Variants in MRM1 observed in about 807,000 individuals in gnomAD.
MRM1 encodes rRNA methyltransferase 1, mitochondrial.
A neutral mutation model predicts 25.0 loss-of-function variants in MRM1; 24 were observed. The observed-to-expected ratio is 0.96, with a 90% CI of 0.69 to 1.35. The LOEUF (loss-of-function observed/expected upper bound fraction) is 1.35, where lower values mean the gene tolerates loss of function less well. Ranked by LOEUF, MRM1 falls within the 40% of genes most tolerant of loss-of-function variation. The probability of loss-of-function intolerance (pLI) is 0.00; values close to 1 mark genes in which losing one functional copy is unlikely to be tolerated. For synonymous variants in MRM1, 188 were observed against 199.2 expected, an observed-to-expected ratio of 0.94 and a Z score of 0.47; for missense variants, 431 against 464.1, an observed-to-expected ratio of 0.93 and a Z score of 0.65.
At position 36,601,969 on chromosome 17, in the gene MRM1, T is replaced by C. The variant is rs765494445; in HGVS notation, c.159T>C (p.Phe53=). The part of the protein sequence containing the change: ...LVPTSRLELL[F]GMTPCLLALQ... ...CGACCTCTCGGCTGGAGCTTCTGTT[T>C]GGCATGACCCCGTGTCTCCTGGCTC... The change falls in exon 1 of 5, where the codon TTT becomes TTC. Residue 53 remains phenylalanine, a synonymous_variant. Coordinates refer to ENST00000614766, the MANE Select transcript of MRM1 (RefSeq NM_024864.5). The C allele has an allele frequency of 3.1e-6, 5 of 1,612,904 alleles. No individual in the cohort carries two copies. Among genetic ancestry groups the C allele is most frequent in the Admixed American group, 1.7e-5 (1 of 60,006 alleles).
chr17:36,628,379 G>T, the MRM1 span, among the ~76,000 whole-genome samples: 155 of 152,334 alleles, frequency 1.0e-3, 1 homozygote, highest in African/African-American at 3.4e-3. Flanking sequence ...GGAACATTCA[G>T]TTCAGCTGCA....
At chr17:36,605,324 TTC>T (rs914358838) in intron 2 of MRM1, among the ~76,000 whole-genome samples, 5 of 147,322 alleles carry the variant, frequency 3.4e-5, no homozygotes, top group African/African-American at 1.2e-4. Context: ...CCTAATTTTT[TTC>T]TTTCTTTTTT....
the MRM1 span, among the ~76,000 whole-genome samples, chr17:36,613,990 G>A: frequency 6.6e-6 from 1 of 152,102 alleles, no homozygotes; most frequent in Non-Finnish European, 1.5e-5. Flanking sequence ...TGTATGTGAG[G>A]ATTAATGATG....
At chr17:36,603,898 G>GCTTC (rs1174844327) in intron 2 of MRM1, among the ~76,000 whole-genome samples, 3 of 152,140 alleles carry the variant, frequency 2.0e-5, no homozygotes, top group African/African-American at 7.2e-5. Context: ...AAGCCTGATA[G>GCTTC]GAGATGAGGT....
chr17:36,608,657 G>C lies in MRM1; in HGVS notation c.*242G>C, dbSNP rs894343161. 7 of 401,874 alleles carry C rather than the reference G, an allele frequency of 1.7e-5. No individual in the cohort carries two copies. The highest frequency in any genetic ancestry group is 3.1e-5 in the Non-Finnish European group (7 of 228,344). 24.9% of individuals were successfully genotyped at this position (401,874 alleles called of 1,614,324 possible). A position where few individuals can be genotyped will look rare whatever the true frequency, so the allele number is the denominator to read the frequency against. The stretch of plus-strand genomic sequence containing the variant: ...TTCCATGGGAAGCCATGATGGCCTA[G>C]CATGGAGGGAATCTGTTCCCAGGCC... On this transcript the variant is annotated 3_prime_UTR_variant, in exon 5 of 5. Transcript: ENST00000614766.
At chr17:36,610,415 A>T (rs1484074139), downstream of MRM1, among the ~76,000 whole-genome samples, 1 of 151,834 alleles carries the variant, frequency 6.6e-6, no homozygotes, top group South Asian at 2.1e-4. Context: ...TGTGTTTTTC[A>T]TAGAGACGGG....
Position 36,602,132 on chromosome 17 carries a change from G to T in MRM1, c.322G>T (p.Asp108Tyr). 1 of 1,612,864 alleles carries T rather than the reference G, an allele frequency of 6.2e-7. No homozygotes were observed. Among genetic ancestry groups the T allele is most frequent in the East Asian group, 2.2e-5 (1 of 44,866 alleles). ...TCTGCGGCCCAGACGGCAGAAACTG[G>T]ACACAATGTGCCGCTACCAGGTCCA... Reference protein sequence around the residue: ...PVLRPRRQKLDTMCRYQVHQG... With the variant: ...PVLRPRRQKLYTMCRYQVHQG... Residue 108 changes from aspartate to tyrosine, a missense_variant, in exon 1 of 5, where the codon GAC becomes TAC. By Grantham distance (160) the Asp-to-Tyr change is radical. Transcript: ENST00000614766. This position sits in a 1 kb window ranked among gnomAD's most constrained non-coding sequence, Gnocchi z 4.1.
At chr17:36,633,381 C>T in the MRM1 span, among the ~76,000 whole-genome samples, 36 of 152,152 alleles carry the variant, frequency 2.4e-4, no homozygotes, top group African/African-American at 6.8e-4. Flanking sequence ...TCCTTGGGTC[C>T]GTGAGGGAAG....
chr17:36,602,354 C>A lies in MRM1; in HGVS notation c.542+2C>A. The stretch of plus-strand genomic sequence containing the variant: ...GGTCATCACCAGCCGGAGAAACAGG[C>A]ACGGACGTCCCTCATTCTCTATGTG... On this transcript the variant is annotated splice_donor_variant, in intron 1 of 4. Coordinates refer to ENST00000614766, the MANE Select transcript of MRM1 (RefSeq NM_024864.5). LOFTEE classifies it high-confidence loss of function. The surrounding 1 kb of genome is among the most constrained non-coding windows in gnomAD (Gnocchi z 4.1). The A allele has an allele frequency of 6.4e-7, 1 of 1,554,946 alleles. No individual in the cohort carries two copies. The highest frequency in any genetic ancestry group is 8.7e-7 in the Non-Finnish European group (1 of 1,147,454).
the MRM1 span, among the ~76,000 whole-genome samples, chr17:36,625,625 C>G: frequency 6.6e-6 from 1 of 151,910 alleles, no homozygotes; most frequent in Non-Finnish European, 1.5e-5. Flanking sequence ...CCACGCCTGG[C>G]TAATTTTTGT....
rs1378270625 is a variant in MRM1, at chr17:36,608,429, C to T, written c.*14C>T. On this transcript the variant is annotated 3_prime_UTR_variant, in exon 5 of 5. Coordinates refer to ENST00000614766, the MANE Select transcript of MRM1 (RefSeq NM_024864.5). The stretch of plus-strand genomic sequence containing the variant: ...AATGAGGGCTGACGTGGACTGTCCA[C>T]AGTGTTCATGTGCTGGAGTCAGGGA... 7 of 1,513,768 alleles carry T rather than the reference C, an allele frequency of 4.6e-6. No individual in the cohort carries two copies. The highest frequency in any genetic ancestry group is 6.2e-6 in the Non-Finnish European group (7 of 1,130,644). 93.8% of individuals were successfully genotyped at this position (1,513,768 alleles called of 1,614,324 possible). A position where few individuals can be genotyped will look rare whatever the true frequency, so the allele number is the denominator to read the frequency against.
chr17:36,630,981 T>C, the MRM1 span, among the ~76,000 whole-genome samples: 1 of 152,218 alleles, frequency 6.6e-6, no homozygotes, highest in Non-Finnish European at 1.5e-5. Flanking sequence ...TCTATGTGGC[T>C]GCCCCATATC....
In MRM1 at chr17:36,601,852, C is replaced by CCTCGT; in HGVS notation, c.44_48dup (p.Thr17SerfsTer21). 1 of 1,594,836 alleles carries CCTCGT rather than the reference C, an allele frequency of 6.3e-7. No homozygotes were observed. Among genetic ancestry groups the CCTCGT allele is most frequent in the Non-Finnish European group, 8.5e-7 (1 of 1,172,388 alleles). Reference sequence around the variant, plus strand: ...CCGTCCGGGGCGCGACCTGGGGTCGCCTCGTCACCCGTCATTTCTCCCATG... The same window carrying CCTCGT: ...CCGTCCGGGGCGCGACCTGGGGTCGCCTCGTCTCGTCACCCGTCATTTCTCCCATG... On this transcript the variant is annotated frameshift_variant, in exon 1 of 5. Transcript: ENST00000614766. LOFTEE classifies it high-confidence loss of function.
downstream of MRM1, among the ~76,000 whole-genome samples, chr17:36,613,711 GTCTT>G (rs1419986524): frequency 6.6e-6 from 1 of 152,170 alleles, no homozygotes; most frequent in Non-Finnish European, 1.5e-5. Flanking sequence ...GTCTACCAGT[GTCTT>G]TCTTCCCAAT....
At chr17:36,615,877 C>G in the MRM1 span, among the ~76,000 whole-genome samples, 1 of 151,916 alleles carries the variant, frequency 6.6e-6, no homozygotes, top group South Asian at 2.1e-4. Context: ...CCTGTAATCC[C>G]AGCTACTCGG....
the MRM1 span, among the ~76,000 whole-genome samples, chr17:36,619,599 C>T: frequency 6.6e-5 from 10 of 150,856 alleles, no homozygotes; most frequent in Non-Finnish European, 1.3e-4. Flanking sequence ...ACCTAGGAGG[C>T]GGAGGTTGCA....
the MRM1 span, among the ~76,000 whole-genome samples, chr17:36,617,500 C>T: frequency 6.6e-6 from 1 of 151,148 alleles, no homozygotes; most frequent in Non-Finnish European, 1.5e-5. Context: ...TCAAGTGATT[C>T]TCCTGCCTCA....
chr17:36,622,409 T>C, the MRM1 span, among the ~76,000 whole-genome samples: 1 of 151,820 alleles, frequency 6.6e-6, no homozygotes, highest in South Asian at 2.1e-4. Context: ...CCATCTCTAC[T>C]AAAAATACAA....
At chr17:36,610,390 G>A (rs567583141), downstream of MRM1, among the ~76,000 whole-genome samples, 327 of 152,096 alleles carry the variant, frequency 2.1e-3, 1 homozygote, top group Non-Finnish European at 3.9e-3. Flanking sequence ...CCGCCACCAA[G>A]CCTGGCTAAT....
Sources: allele counts gnomAD v4.1 joint callset (sites outside exome capture counted in the v4.1 genomes callset), GRCh38; gene constraint gnomAD v4.1.1; non-coding constraint Gnocchi (gnomAD v3.1); transcripts MANE v1.5; gene names NCBI Gene and HGNC (gene_info 2026-07-23, HGNC 2026-07-21).